Variants in RSF1 observed in about 807,000 individuals in gnomAD.
RSF1 encodes the protein remodeling and spacing factor 1, also known as HBV pX-associated protein 8.
In RSF1, 13 loss-of-function variants were observed where a neutral mutation model predicts 145.2. The ratio of observed to expected loss-of-function variants is 0.09; its 90% confidence interval spans 0.06 to 0.14. The LOEUF (loss-of-function observed/expected upper bound fraction) is 0.14, where lower values mean the gene tolerates loss of function less well. RSF1 is among the 10% of genes least tolerant of loss of function. The probability of loss-of-function intolerance (pLI) is 1.00; values close to 1 mark genes in which losing one functional copy is unlikely to be tolerated. For synonymous variants in RSF1, 577 were observed against 592.6 expected (o/e 0.97, Z 0.38); for missense variants, 1,517 against 1,718.2 (o/e 0.88, Z 2.07).
At chr11:77,680,457 T>C (rs1338734517) in intron 11 of RSF1, among the ~76,000 whole-genome samples, 1 of 151,152 alleles carries the variant, frequency 6.6e-6, no homozygotes, top group Non-Finnish European at 1.5e-5. Flanking sequence ...GAAAAAAGAC[T>C]AAAAGCTGGA....
intron 1 of RSF1, among the ~76,000 whole-genome samples, chr11:77,814,137 T>C (rs1422282622): frequency 6.6e-6 from 1 of 150,442 alleles, no homozygotes; most frequent in Admixed American, 6.6e-5. Context: ...GAGGCAGAGG[T>C]TGTAGTGAAC....
intron 2 of RSF1, among the ~76,000 whole-genome samples, chr11:77,753,509 C>G (rs1170317640): frequency 6.6e-6 from 1 of 152,186 alleles, no homozygotes; most frequent in Non-Finnish European, 1.5e-5. Context: ...ACTTGTCCAA[C>G]GCGTGGCCCA....
intron 7 of RSF1, among the ~76,000 whole-genome samples, chr11:77,696,503 T>C (rs1165284505): frequency 2.0e-5 from 3 of 152,246 alleles, no homozygotes; most frequent in Admixed American, 1.3e-4. Flanking sequence ...GAATCTACCA[T>C]ATTTGGGATC....
At chr11:77,760,909 TTTTC>T (rs1484536939) in intron 2 of RSF1, among the ~76,000 whole-genome samples, 1 of 151,922 alleles carries the variant, frequency 6.6e-6, no homozygotes, top group African/African-American at 2.4e-5. Flanking sequence ...CACTAGGTTA[TTTTC>T]TTTCTTTTTT....
chr11:77,816,803 C>T (rs1948786011), intron 1 of RSF1, among the ~76,000 whole-genome samples: 1 of 152,200 alleles, frequency 6.6e-6, no homozygotes, highest in Admixed American at 6.5e-5. Flanking sequence ...GGGAAGTCCA[C>T]ACAAAGCACA....
At chr11:77,853,759 G>C in the RSF1 span, among the ~76,000 whole-genome samples, 1 of 151,914 alleles carries the variant, frequency 6.6e-6, no homozygotes, top group East Asian at 2.0e-4. Flanking sequence ...TGGCCAACAT[G>C]ATGAAACCCT....
intron 12 of RSF1, among the ~76,000 whole-genome samples, chr11:77,677,637 CTTCAAG>C (rs1959743853): frequency 6.6e-6 from 1 of 152,072 alleles, no homozygotes; most frequent in African/African-American, 2.4e-5. Context: ...ATTAAATTAC[CTTCAAG>C]TTCTTCTATT....
chr11:77,865,794 T>C, the RSF1 span, among the ~76,000 whole-genome samples: 1 of 152,260 alleles, frequency 6.6e-6, no homozygotes, highest in African/African-American at 2.4e-5. Context: ...ATTCCACTTG[T>C]ATGAAATGTT....
At position 77,702,317 on chromosome 11, in the gene RSF1, T is replaced by G. The variant is rs58758035; in HGVS notation, c.912A>C (p.Glu304Asp). 607 of 1,609,852 alleles carry G rather than the reference T, an allele frequency of 3.8e-4. 3 individuals are homozygous for G. In the African/African-American group the frequency reaches 6.8e-3, roughly 18 times the overall value. ...CACTTTCTTCTTTGATAATCTTTTT[T>G]TCTTCATTTTCTGGCAAAGGTTTTT... is the stretch of plus-strand genomic sequence containing the variant. ...KLEKPLPENE[E>D]KKIIKEESDS... The change falls in exon 6 of 16, where the codon GAA becomes GAC. Residue 304 changes from glutamate (E) to aspartate (D), a missense_variant. Physicochemically the swap from Glu to Asp is conservative, Grantham distance 45. Coordinates refer to ENST00000308488, the MANE Select transcript of RSF1 (RefSeq NM_016578.4).
At chr11:77,854,272 G>A in the RSF1 span, among the ~76,000 whole-genome samples, 5 of 152,176 alleles carry the variant, frequency 3.3e-5, no homozygotes, top group Middle Eastern at 3.4e-3. Flanking sequence ...GATTACAGGC[G>A]TGAGCCACCG....
intron 1 of RSF1, among the ~76,000 whole-genome samples, chr11:77,808,317 G>A (rs942076057): frequency 2.0e-5 from 3 of 149,362 alleles, no homozygotes; most frequent in African/African-American, 4.9e-5. Flanking sequence ...GGGCAACAGA[G>A]AAAGACTCTG....
At chr11:77,692,626 G>A (rs1391443189) in intron 8 of RSF1, among the ~76,000 whole-genome samples, 1 of 151,298 alleles carries the variant, frequency 6.6e-6, no homozygotes, top group African/African-American at 2.4e-5. Flanking sequence ...TGATCCTCCT[G>A]CCTCAGCCTC....
At chr11:77,729,508 T>C (rs1159160826) in intron 4 of RSF1, among the ~76,000 whole-genome samples, 1 of 151,812 alleles carries the variant, frequency 6.6e-6, no homozygotes, top group Non-Finnish European at 1.5e-5. Context: ...AGAGTTTGAA[T>C]TAGTGGTAGG....
intron 15 of RSF1, among the ~76,000 whole-genome samples, chr11:77,671,360 G>C (rs1254988067): frequency 6.6e-6 from 1 of 150,832 alleles, no homozygotes; most frequent in African/African-American, 2.4e-5. Flanking sequence ...TCATAGTCAA[G>C]GTGAAAGAGA....
intron 5 of RSF1, among the ~76,000 whole-genome samples, chr11:77,719,983 G>C (rs1960906443): frequency 6.6e-6 from 1 of 152,208 alleles, no homozygotes. Flanking sequence ...AGGGTAGGGA[G>C]AAATGGCAAG....
At position 77,732,224 on chromosome 11, in the gene RSF1, T is replaced by C. The variant is rs113604004; in HGVS notation, c.579-6525A>G. ...TGCCCTGCTGGATTTCGGACTTGCA[T>C]GGGGCCTACAGCCCCTTTGTTTTGG... On this transcript the variant is annotated intron_variant, in intron 4 of 15. Transcript: ENST00000308488. 5.0e-3 allele frequency among the ~76,000 whole-genome samples: 767 copies of C among 152,344 alleles called. 8 individuals are homozygous for C. The highest frequency in any genetic ancestry group is 0.018 in the African/African-American group (733 of 41,580).
At chr11:77,831,579 A>C in the RSF1 span, among the ~76,000 whole-genome samples, 1 of 151,496 alleles carries the variant, frequency 6.6e-6, no homozygotes, top group Non-Finnish European at 1.5e-5. Flanking sequence ...ATCTTAATAC[A>C]CCCTGCTCTA....
At chr11:77,808,526 C>CT in intron 1 of RSF1, among the ~76,000 whole-genome samples, 1 of 54,480 alleles carries the variant, frequency 1.8e-5, no homozygotes, top group African/African-American at 9.9e-5. Context: ...AAATATTATA[C>CT]CTTTTTTTTT....
chr11:77,789,478 A>C (rs1474538927), intron 1 of RSF1, among the ~76,000 whole-genome samples: 1 of 152,210 alleles, frequency 6.6e-6, no homozygotes, highest in Non-Finnish European at 1.5e-5. Context: ...CAAGCAAGGC[A>C]CAGGCTACCT....
Sources: allele counts gnomAD v4.1 joint callset (sites outside exome capture counted in the v4.1 genomes callset), GRCh38; gene constraint gnomAD v4.1.1; transcripts MANE v1.5; gene names NCBI Gene and HGNC (gene_info 2026-07-23, HGNC 2026-07-21).